ZDHHC4: variants seen among roughly 807,000 people sequenced by gnomAD.
The protein encoded by ZDHHC4 is palmitoyltransferase ZDHHC4.
Under a neutral mutation model 36.7 loss-of-function variants are expected in ZDHHC4, and 42 were observed. The ratio of observed to expected loss-of-function variants is 1.14; its 90% CI spans 0.89 to 1.48. The LOEUF (loss-of-function observed/expected upper bound fraction) is 1.48. Ranked by LOEUF, ZDHHC4 falls within the 40% of genes most tolerant of loss-of-function variation. The probability of loss-of-function intolerance (pLI) is 0.00; values close to 1 mark genes in which losing one functional copy is unlikely to be tolerated. For missense variants in ZDHHC4, 457 were observed against 421.5 expected (o/e 1.08, Z -0.74); for synonymous variants, 189 against 166.6 (o/e 1.13, Z -1.03).
intron 2 of ZDHHC4, among the ~76,000 whole-genome samples, chr7:6,580,117 A>G (rs562384313): frequency 6.6e-6 from 1 of 152,008 alleles, no homozygotes; most frequent in South Asian, 2.1e-4. Flanking sequence ...CCTGGGTAAC[A>G]AGAGTGAAAC....
At chr7:6,584,878 G>A in intron 6 of ZDHHC4, 138 bp from the exon 7 acceptor site, 1 of 1,292,020 alleles carries the variant, frequency 7.7e-7, no homozygotes, top group South Asian at 1.5e-5. Context: ...AGTTCCAAAA[G>A]CTTAGTTTGG....
chr7:6,578,119 C>G (rs1324448824), intron 1 of ZDHHC4, among the ~76,000 whole-genome samples: 1 of 151,870 alleles, frequency 6.6e-6, no homozygotes, highest in East Asian at 1.9e-4. Context: ...CGTGAGCCAC[C>G]GCGCCCGGCC....
chr7:6,588,371 A>G (rs933261838), intron 7 of ZDHHC4, among the ~76,000 whole-genome samples: 1 of 152,204 alleles, frequency 6.6e-6, no homozygotes, highest in Non-Finnish European at 1.5e-5. Flanking sequence ...CACATTTCCT[A>G]AGTAAACTTT....
At position 6,588,869 on chromosome 7, in the gene ZDHHC4, C is replaced by G; in HGVS notation, c.994C>G (p.Leu332Val). Residue 332 changes from leucine (L) to valine (V), a missense_variant, in exon 8 of 8, where the codon CTA becomes GTA. Coordinates refer to ENST00000335965, the MANE Select transcript of ZDHHC4 (RefSeq NM_001134389.2). ...GLRSNLQEIFLPAFPCHERKK... is the reference protein window; with the variant it reads ...GLRSNLQEIFVPAFPCHERKK... ...TCGGAGCAACCTTCAAGAGATCTTT[C>G]TACCTGCCTTTCCATGTCATGAGAG... The G allele has an allele frequency of 6.2e-7, 1 of 1,610,964 alleles. No homozygotes were observed. The highest frequency in any genetic ancestry group is 8.5e-7 in the Non-Finnish European group (1 of 1,177,260).
rs1781480300 is a variant in ZDHHC4 at position 6,589,027 on chromosome 7, G to A, written c.*117G>A. Reference sequence around the variant, plus strand: ...GCTGTGCTTATAAATCACTTTCGGTGGGCAAGGGAGAGAGGGGAAAATGGG... The same window carrying A: ...GCTGTGCTTATAAATCACTTTCGGTAGGCAAGGGAGAGAGGGGAAAATGGG... On this transcript the variant is annotated 3_prime_UTR_variant, in exon 8 of 8. Coordinates refer to ENST00000335965, the MANE Select transcript of ZDHHC4 (RefSeq NM_001134389.2). 7.5e-7 allele frequency: 1 copy of A among 1,339,654 alleles called. No homozygotes were observed. 83.0% of individuals were successfully genotyped at this position (1,339,654 alleles called of 1,614,324 possible).
intron 2 of ZDHHC4, among the ~76,000 whole-genome samples, chr7:6,579,269 C>T (rs934552127): frequency 1.5e-4 from 22 of 150,768 alleles, no homozygotes; most frequent in East Asian, 9.7e-4. Context: ...GGCGCGATCT[C>T]GGCTCACTGC....
chr7:6,580,910 T>C, intron 3 of ZDHHC4: 1 of 518,066 alleles, frequency 1.9e-6, no homozygotes, highest in East Asian at 3.2e-5. Context: ...AGTGAGACCC[T>C]GTCTCAACAA....
intron 3 of ZDHHC4, chr7:6,580,923 A>G: frequency 4.1e-6 from 2 of 491,706 alleles, no homozygotes; most frequent in Non-Finnish European, 7.3e-6. Flanking sequence ...CTCAACAACA[A>G]CAAAAAAGAT....
Position 6,589,038 on chromosome 7 carries a change from A to T in ZDHHC4, c.*128A>T. On this transcript the variant is annotated 3_prime_UTR_variant, in exon 8 of 8. Transcript: ENST00000335965. ...AAATCACTTTCGGTGGGCAAGGGAGAGAGGGGAAAATGGGTGTTGACTGAG... is the reference window on the plus strand; with the variant it reads ...AAATCACTTTCGGTGGGCAAGGGAGTGAGGGGAAAATGGGTGTTGACTGAG... The T allele has an allele frequency of 8.1e-7, 1 of 1,234,894 alleles. No homozygotes were observed. The highest frequency in any genetic ancestry group is 1.1e-6 in the Non-Finnish European group (1 of 889,558). The allele number at this position is 1,234,894 out of a possible 1,614,324, so 76.5% of individuals were successfully genotyped here. A position where few individuals can be genotyped will look rare whatever the true frequency, so the allele number is the denominator to read the frequency against.
In ZDHHC4 at chr7:6,588,665, G is replaced by C. The variant is rs762785338; in HGVS notation, c.790G>C (p.Val264Leu). Residue 264 changes from valine to leucine, a missense_variant, in exon 8 of 8, where the codon GTG (valine) becomes CTG (leucine). Val to Leu is a conservative substitution (Grantham distance 32). Coordinates refer to ENST00000335965, the MANE Select transcript of ZDHHC4 (RefSeq NM_001134389.2). Reference sequence around the variant, plus strand: ...GATTGTCTTCATGCTGGGCTTTGTCGTGGTTCTGAGCTTCCTCCTGGGTGG... The same window carrying C: ...GATTGTCTTCATGCTGGGCTTTGTCCTGGTTCTGAGCTTCCTCCTGGGTGG... ...PRIVFMLGFV[V>L]VLSFLLGGYL... is the part of the protein sequence containing the mutation. The C allele has an allele frequency of 2.4e-5, 39 of 1,614,020 alleles. No homozygotes were observed. The highest frequency in any genetic ancestry group is 3.2e-5 in the Non-Finnish European group (38 of 1,180,052).
At chr7:6,584,796 G>C (rs1175046456) in intron 6 of ZDHHC4, 1 of 595,498 alleles carries the variant, frequency 1.7e-6, no homozygotes, top group Non-Finnish European at 2.9e-6. Context: ...CACCACCTCA[G>C]ATTTGTCTTG....
intron 7 of ZDHHC4, 137 bp from the exon 8 acceptor site, chr7:6,588,480 T>C (rs528793079): frequency 1.1e-6 from 1 of 869,698 alleles, no homozygotes; most frequent in Non-Finnish European, 1.8e-6. Context: ...TTATGTTCAG[T>C]TTGTCACATC....
chr7:6,588,143 G>T (rs931410175), intron 7 of ZDHHC4, among the ~76,000 whole-genome samples: 1 of 152,194 alleles, frequency 6.6e-6, no homozygotes, highest in Non-Finnish European at 1.5e-5. Flanking sequence ...GGGATTATAG[G>T]CGTGAGCCAT....
At chr7:6,588,540 C>T in intron 7 of ZDHHC4, 77 bp from the exon 8 acceptor site, 1 of 1,508,572 alleles carries the variant, frequency 6.6e-7, no homozygotes, top group Non-Finnish European at 9.1e-7. Context: ...CTGTGGCAGG[C>T]CCAGGGTTGG....
intron 2 of ZDHHC4, among the ~76,000 whole-genome samples, chr7:6,580,226 C>T (rs201073830): frequency 6.6e-6 from 1 of 151,900 alleles, no homozygotes; most frequent in Non-Finnish European, 1.5e-5. Context: ...GTCTCGAACT[C>T]CTGAGCTCAA....
At chr7:6,580,807 C>T (rs1281375234) in intron 3 of ZDHHC4, 129 bp downstream of exon 3, 1 of 838,988 alleles carries the variant, frequency 1.2e-6, no homozygotes, top group Non-Finnish European at 1.9e-6. Context: ...AATCCCGCTA[C>T]TCAGGAAGCT....
Position 6,589,085 on chromosome 7 carries a change from T to C in ZDHHC4, c.*175T>C. 1.3e-6 allele frequency: 1 copy of C among 761,890 alleles called. No individual in the cohort carries two copies. Among genetic ancestry groups the C allele is most frequent in the East Asian group, 2.7e-5 (1 of 37,058 alleles). 47.2% of individuals were successfully genotyped at this position (761,890 alleles called of 1,614,324 possible). On this transcript the variant is annotated 3_prime_UTR_variant, in exon 8 of 8. Coordinates refer to ENST00000335965, the MANE Select transcript of ZDHHC4 (RefSeq NM_001134389.2). Reference sequence around the variant, plus strand: ...TGAGGAATCCCCCTTGCTTGTCTTCTTTTGAAACCGGGCATCTCTGAAGTC... The same window carrying C: ...TGAGGAATCCCCCTTGCTTGTCTTCCTTTGAAACCGGGCATCTCTGAAGTC...
chr7:6,583,585 C>T lies in ZDHHC4; in HGVS notation c.496+154C>T, dbSNP rs527974371. The T allele has an allele frequency of 4.3e-5, 46 of 1,061,154 alleles. No individual in the cohort carries two copies. In the South Asian group the frequency reaches 7.2e-4, roughly 17 times the overall value. 65.7% of individuals were successfully genotyped at this position (1,061,154 alleles called of 1,614,324 possible). On this transcript the variant is annotated intron_variant, in intron 6 of 7. Transcript: ENST00000335965. ...GTAGAGTTGAGATAATGGTTTCTTT[C>T]AGATGAGTGAGGGTCAGGTCTTGTG...
At chr7:6,582,921 G>C (rs1780964012) in intron 5 of ZDHHC4, among the ~76,000 whole-genome samples, 1 of 152,020 alleles carries the variant, frequency 6.6e-6, no homozygotes, top group Non-Finnish European at 1.5e-5. Flanking sequence ...CACAATCTCA[G>C]CCTGTTTGGG....
Sources: gnomAD v4.1 joint callset for allele counts (sites outside exome capture counted in the v4.1 genomes callset) on GRCh38, gnomAD v4.1.1 for gene constraint, MANE v1.5 for transcripts, NCBI Gene and HGNC (gene_info 2026-07-23, HGNC 2026-07-21) for gene names.